Variants in SCRN3 observed in about 807,000 individuals in gnomAD.
SCRN3 encodes secernin-3.
In SCRN3, 39 loss-of-function variants were observed where a neutral mutation model predicts 43.1. The ratio of observed to expected loss-of-function variants is 0.91; its 90% confidence interval spans 0.70 to 1.18. The LOEUF is 1.18. Ranked by LOEUF, SCRN3 falls within the 50% of genes most tolerant of loss-of-function variation. The probability of loss-of-function intolerance (pLI) is 0.00; values close to 1 mark genes in which losing one functional copy is unlikely to be tolerated. For missense variants in SCRN3, 484 were observed against 498.0 expected (o/e 0.97, Z 0.27); for synonymous variants, 147 against 163.1 (o/e 0.90, Z 0.75).
chr2:174,427,740 A>AGTG lies in SCRN3; in HGVS notation c.1120_1121insGTG (p.Met374delinsSerVal). The AGTG allele has an allele frequency of 6.2e-7, 1 of 1,606,108 alleles. No individual in the cohort carries two copies. On this transcript the variant is annotated protein_altering_variant, in exon 8 of 8. Coordinates refer to ENST00000272732, the MANE Select transcript of SCRN3 (RefSeq NM_024583.5). ...AAAAGCCAAAATAATGTTGGACAAC[A>AGTG]TGAGGAAACTGGAGAAAGAACTATT... is the stretch of plus-strand genomic sequence containing the variant.
intron 7 of SCRN3, among the ~76,000 whole-genome samples, chr2:174,427,096 C>T (rs1372231602): frequency 6.6e-6 from 1 of 152,144 alleles, no homozygotes; most frequent in African/African-American, 2.4e-5. Flanking sequence ...TCCCAAAGTG[C>T]TGGGGTTACA....
intron 5 of SCRN3, among the ~76,000 whole-genome samples, chr2:174,410,786 T>C (rs2105592304): frequency 6.6e-6 from 1 of 152,132 alleles, no homozygotes; most frequent in South Asian, 2.1e-4. Context: ...CTCTTTCCAC[T>C]CCAAAACTTG....
intron 7 of SCRN3, among the ~76,000 whole-genome samples, chr2:174,426,350 A>AT (rs1404157955): frequency 6.6e-6 from 1 of 152,124 alleles, no homozygotes; most frequent in South Asian, 2.1e-4. Context: ...GACAAAATCC[A>AT]TTTTTTTCCC....
chr2:174,404,458 ATT>A (rs575951477), intron 5 of SCRN3, 143 bp downstream of exon 5: 1 of 514,154 alleles, frequency 1.9e-6, no homozygotes, highest in Non-Finnish European at 3.2e-6. Context: ...TTATAAACCT[ATT>A]TTTTTTTTAT....
At chr2:174,419,768 T>C (rs1411729589) in intron 5 of SCRN3, among the ~76,000 whole-genome samples, 2 of 152,178 alleles carry the variant, frequency 1.3e-5, no homozygotes, top group Non-Finnish European at 2.9e-5. Context: ...ATTACTGTTA[T>C]TAAGAAATTG....
At chr2:174,415,605 A>T (rs1686077259) in intron 5 of SCRN3, among the ~76,000 whole-genome samples, 1 of 152,166 alleles carries the variant, frequency 6.6e-6, no homozygotes. Flanking sequence ...TAAAAATGTG[A>T]TTAATATACC....
rs1045661 is a variant in SCRN3, at chr2:174,428,160, G to C, written c.*265G>C. On this transcript the variant is annotated 3_prime_UTR_variant, in exon 8 of 8. Transcript: ENST00000272732. The stretch of plus-strand genomic sequence containing the variant: ...ACTTGCATTATTTTCTTTAGCCATA[G>C]TAACTTTTTGTCACAATAACTAAGT... The C allele has an allele frequency of 0.28, 63,479 of 224,308 alleles. 9,851 individuals carry two copies. Among genetic ancestry groups the C allele is most frequent in the Middle Eastern group, 0.5 (331 of 660 alleles). 13.9% of individuals were successfully genotyped at this position (224,308 alleles called of 1,614,324 possible).
At chr2:174,406,264 G>T (rs1163204095) in intron 5 of SCRN3, among the ~76,000 whole-genome samples, 3 of 139,882 alleles carry the variant, frequency 2.1e-5, no homozygotes, top group Non-Finnish European at 4.9e-5. Context: ...CTGTTTGTCT[G>T]TTATTGGTGT....
chr2:174,401,280 T>A (rs1226104841), intron 4 of SCRN3, 91 bp downstream of exon 4: 1 of 1,010,588 alleles, frequency 9.9e-7, no homozygotes, highest in Non-Finnish European at 1.5e-6. Context: ...CTTCCAAGAT[T>A]AATAATCTAG....
At chr2:174,427,651 G>A in intron 7 of SCRN3, 62 bp from the exon 8 acceptor site, 1 of 1,022,224 alleles carries the variant, frequency 9.8e-7, no homozygotes, top group Non-Finnish European at 1.4e-6. Context: ...GAGATGGGTT[G>A]AATTTGGTTA....
chr2:174,416,327 TA>T (rs1469034113), intron 5 of SCRN3, among the ~76,000 whole-genome samples: 3 of 152,136 alleles, frequency 2.0e-5, no homozygotes, highest in African/African-American at 7.2e-5. Flanking sequence ...AGGACTTAAT[TA>T]ATTAGAGTGA....
At chr2:174,406,893 T>C (rs1685714755) in intron 5 of SCRN3, among the ~76,000 whole-genome samples, 1 of 128,794 alleles carries the variant, frequency 7.8e-6, no homozygotes. Flanking sequence ...GCATCAATGT[T>C]CATCAAGGAT....
rs746146451 is a variant in SCRN3, at chr2:174,398,280, A to C, written c.-4A>C. 1.9e-6 allele frequency: 3 copies of C among 1,558,628 alleles called. No individual in the cohort carries two copies. The highest frequency in any genetic ancestry group is 2.6e-6 in the Non-Finnish European group (3 of 1,160,366). ...AACATCTGTATAATTTTTAGTTAAAAAAAATGGAACCTTTTTCCTGTGACA... is the reference window on the plus strand; with the variant it reads ...AACATCTGTATAATTTTTAGTTAAACAAAATGGAACCTTTTTCCTGTGACA... On this transcript the variant is annotated 5_prime_UTR_variant, in exon 2 of 8. Coordinates refer to ENST00000272732, the MANE Select transcript of SCRN3 (RefSeq NM_024583.5).
At position 174,406,211 on chromosome 2, in the gene SCRN3, T is replaced by C. The variant is rs965995665; in HGVS notation, c.754+1896T>C. Among the ~76,000 whole-genome samples the C allele has an allele frequency of 3.0e-3, 408 of 137,496 alleles. 14 individuals carry two copies. Among genetic ancestry groups the C allele is most frequent in the Admixed American group, 4.8e-3 (66 of 13,780 alleles). The allele number at this position is 137,496 out of a possible 152,430, so 90.2% of individuals were successfully genotyped here. On this transcript the variant is annotated intron_variant, in intron 5 of 7. Transcript: ENST00000272732. ...TTGGATTCCTAGGTATTTTATTCTC[T>C]TTGAAGCAATTGTGAATGGGAGTTC...
intron 5 of SCRN3, among the ~76,000 whole-genome samples, chr2:174,420,497 GTAGA>G (rs1686260038): frequency 6.6e-6 from 1 of 152,160 alleles, no homozygotes; most frequent in Non-Finnish European, 1.5e-5. Context: ...AAGAGAAAAA[GTAGA>G]TAGTAGAAAC....
chr2:174,408,527 T>G (rs1685777471), intron 5 of SCRN3, among the ~76,000 whole-genome samples: 1 of 150,168 alleles, frequency 6.7e-6, no homozygotes, highest in African/African-American at 2.4e-5. Flanking sequence ...ATTTTGCTCG[T>G]TAGTTGATGC....
chr2:174,417,273 G>A (rs543725220), intron 5 of SCRN3, among the ~76,000 whole-genome samples: 5 of 151,994 alleles, frequency 3.3e-5, no homozygotes, highest in East Asian at 1.9e-4. Flanking sequence ...CATGTATCCC[G>A]GAACTCAAAA....
At chr2:174,415,682 A>G (rs191035945) in intron 5 of SCRN3, among the ~76,000 whole-genome samples, 10 of 152,206 alleles carry the variant, frequency 6.6e-5, no homozygotes, top group East Asian at 5.8e-4. Context: ...TCTCGATCCA[A>G]TACTCAGGCT....
chr2:174,395,838 A>G (rs970753540), intron 1 of SCRN3, 21 bp downstream of exon 1: 7 of 1,497,614 alleles, frequency 4.7e-6, no homozygotes, highest in Non-Finnish European at 6.2e-6. Flanking sequence ...CGCACGGGGG[A>G]GGGGCGTGCA....
Sources: gnomAD v4.1 joint callset for allele counts (sites outside exome capture counted in the v4.1 genomes callset) on GRCh38, gnomAD v4.1.1 for gene constraint, MANE v1.5 for transcripts, NCBI Gene and HGNC (gene_info 2026-07-23, HGNC 2026-07-21) for gene names.